The following CELF2 variants were observed in gnomAD, a reference collection of about 807,000 sequenced individuals.
CELF2 encodes the protein CUGBP Elav-like family member 2.
A neutral mutation model predicts 62.6 loss-of-function variants in CELF2; 8 were observed. The observed-to-expected ratio is 0.13, with a 90% CI of 0.07 to 0.23. CELF2 has a LOEUF of 0.23. Ranked by LOEUF, CELF2 falls within the 10% of genes least tolerant of loss-of-function variation. The pLI is 1.00. For synonymous variants in CELF2, 258 were observed against 250.0 expected (o/e 1.03, Z -0.30); for missense variants, 333 against 671.0 (o/e 0.50, Z 5.56).
At chr10:11,174,509 C>G (rs60440628) in intron 2 of CELF2, among the ~76,000 whole-genome samples, 2,813 of 152,316 alleles carry the variant, frequency 0.018, 91 homozygotes, top group African/African-American at 0.065. Context: ...ATAAGATACA[C>G]TCTGGACAGT....
At chr10:10,865,165 T>C (rs139601704) in intron 1 of CELF2, among the ~76,000 whole-genome samples, 4 of 152,310 alleles carry the variant, frequency 2.6e-5, no homozygotes, top group Admixed American at 2.6e-4. Flanking sequence ...ACCTCACTTT[T>C]CTCCTGCTCT....
intron 1 of CELF2, among the ~76,000 whole-genome samples, chr10:10,912,301 T>G (rs1042173474): frequency 1.3e-5 from 2 of 152,220 alleles, no homozygotes; most frequent in African/African-American, 4.8e-5. Flanking sequence ...TCATAACATA[T>G]TCTATATAAT....
intron 4 of CELF2, among the ~76,000 whole-genome samples, chr10:11,254,483 G>C (rs7906000): frequency 0.34 from 51,005 of 152,124 alleles, 9,059 homozygotes; most frequent in African/African-American, 0.44. Context: ...TTGTTGCCTG[G>C]CTGAGTTGAC....
rs114094842 is a variant in CELF2 at position 11,114,502 on chromosome 10, C to T, written c.75-50984C>T. ...CCACTTAATGACTCTTTAAAAGTTG[C>T]TAATGTTCTTACTTACACTCTCGTC... On this transcript the variant is annotated intron_variant, in intron 1 of 12. Coordinates refer to ENST00000633077, the MANE Select transcript of CELF2 (RefSeq NM_001326342.2). Among the ~76,000 whole-genome samples, 1,220 of 152,222 alleles carry T rather than the reference C, an allele frequency of 8.0e-3. 19 individuals are homozygous for T. The highest frequency in any genetic ancestry group is 0.027 in the African/African-American group (1,137 of 41,528).
At chr10:10,767,762 C>G in the CELF2 span, among the ~76,000 whole-genome samples, 1 of 152,088 alleles carries the variant, frequency 6.6e-6, no homozygotes, top group Admixed American at 6.5e-5. Flanking sequence ...TTTGGGAGGC[C>G]GAGGCGGGTG....
At chr10:11,115,703 G>A (rs2056412824) in intron 1 of CELF2, among the ~76,000 whole-genome samples, 1 of 152,122 alleles carries the variant, frequency 6.6e-6, no homozygotes, top group South Asian at 2.1e-4. Context: ...GAACTACAGA[G>A]GAAAAACAAT....
the CELF2 span, among the ~76,000 whole-genome samples, chr10:10,703,304 A>G: frequency 4.6e-5 from 7 of 152,242 alleles, no homozygotes; most frequent in African/African-American, 1.7e-4. Context: ...AAATGCATTC[A>G]GAACATGACT....
intron 1 of CELF2, among the ~76,000 whole-genome samples, chr10:11,049,558 T>TAAA (rs368708381): frequency 0.045 from 4,314 of 96,810 alleles, 157 homozygotes; most frequent in Admixed American, 0.058. Flanking sequence ...CTTTCTTTAG[T>TAAA]AAAAAAAAAA....
At chr10:11,143,862 T>G (rs2061776427) in intron 1 of CELF2, among the ~76,000 whole-genome samples, 1 of 152,244 alleles carries the variant, frequency 6.6e-6, no homozygotes, top group African/African-American at 2.4e-5. Context: ...AAATTGTTTT[T>G]CAGAGTGGTA....
At chr10:10,472,227 C>A in the CELF2 span, among the ~76,000 whole-genome samples, 171 of 151,728 alleles carry the variant, frequency 1.1e-3, 1 homozygote, top group Non-Finnish European at 2.0e-3. Flanking sequence ...ATTGGATAGC[C>A]TGAGTGATAC....
At chr10:10,665,973 C>T in the CELF2 span, among the ~76,000 whole-genome samples, 7 of 152,162 alleles carry the variant, frequency 4.6e-5, no homozygotes, top group South Asian at 2.1e-4. Context: ...TGCCAAGGCC[C>T]GGTGATACGA....
rs913599787 is a variant in CELF2 at position 11,211,486 on chromosome 10, C to T, written c.272-5939C>T. Among the ~76,000 whole-genome samples, 20 of 152,156 alleles carry T rather than the reference C, an allele frequency of 1.3e-4. No homozygotes were observed. The highest frequency in any genetic ancestry group is 5.8e-4 in the East Asian group (3 of 5,206). ...GTCTAGAGTGGTGTCTACATTACCT[C>T]CACACTGAAAAATATAAATACGTTA... On this transcript the variant is annotated intron_variant, in intron 2 of 12. Coordinates refer to ENST00000633077, the MANE Select transcript of CELF2 (RefSeq NM_001326342.2). This position sits in a 1 kb window ranked among gnomAD's most constrained non-coding sequence, Gnocchi z 4.8.
chr10:10,725,605 G>A, the CELF2 span, among the ~76,000 whole-genome samples: 2 of 152,182 alleles, frequency 1.3e-5, no homozygotes, highest in Admixed American at 1.3e-4. Flanking sequence ...CAGAGGCTGA[G>A]AGCCAGACGG....
the CELF2 span, among the ~76,000 whole-genome samples, chr10:10,739,294 T>G: frequency 6.6e-6 from 1 of 152,218 alleles, no homozygotes; most frequent in African/African-American, 2.4e-5. Context: ...ACAATGATTA[T>G]TTACATAATA....
Position 11,117,233 on chromosome 10 carries a change from A to T in CELF2, c.75-48253A>T, listed in dbSNP as rs925901113. Among the ~76,000 whole-genome samples, 1 of 152,192 alleles carries T rather than the reference A, an allele frequency of 6.6e-6. No individual in the cohort carries two copies. Among genetic ancestry groups the T allele is most frequent in the Admixed American group, 6.5e-5 (1 of 15,286 alleles). On this transcript the variant is annotated intron_variant, in intron 1 of 12. Coordinates refer to ENST00000633077, the MANE Select transcript of CELF2 (RefSeq NM_001326342.2). The surrounding 1 kb of genome is among the most constrained non-coding windows in gnomAD (Gnocchi z 4.1). ...ATTAAAGGATTTAGTTGAATGCCAAATGTGTGGACTTAGAAGAACTGGCTT... is the reference window on the plus strand; with the variant it reads ...ATTAAAGGATTTAGTTGAATGCCAATTGTGTGGACTTAGAAGAACTGGCTT...
At chr10:11,084,241 G>A (rs1372906191) in intron 1 of CELF2, among the ~76,000 whole-genome samples, 1 of 152,204 alleles carries the variant, frequency 6.6e-6, no homozygotes, top group African/African-American at 2.4e-5. Context: ...AGATATGGTG[G>A]TGGAAACAAA....
chr10:11,120,146 G>A (rs1043462437), intron 1 of CELF2, among the ~76,000 whole-genome samples: 5 of 152,060 alleles, frequency 3.3e-5, no homozygotes, highest in South Asian at 4.1e-4. Context: ...AAGCACCTTC[G>A]CCAGGTGTCA....
the CELF2 span, among the ~76,000 whole-genome samples, chr10:10,466,372 TG>T: frequency 6.6e-6 from 1 of 152,192 alleles, no homozygotes; most frequent in Non-Finnish European, 1.5e-5. Context: ...TCATACATAC[TG>T]TTGCATACAT....
the CELF2 span, among the ~76,000 whole-genome samples, chr10:10,619,174 T>C: frequency 6.6e-6 from 1 of 152,208 alleles, no homozygotes; most frequent in Admixed American, 6.5e-5. Context: ...CTTATTTATG[T>C]CTGCAGCTTG....
Sources: gnomAD v4.1 joint callset for allele counts (sites outside exome capture counted in the v4.1 genomes callset) on GRCh38, gnomAD v4.1.1 for gene constraint, Gnocchi (gnomAD v3.1) non-coding constraint, MANE v1.5 for transcripts, NCBI Gene and HGNC (gene_info 2026-07-23, HGNC 2026-07-21) for gene names.